NEBL: variants seen among roughly 807,000 people sequenced by gnomAD.
The protein encoded by NEBL is LIM and SH3 protein 2.
In NEBL, 122 loss-of-function variants were observed where a neutral mutation model predicts 140.2. The observed-to-expected ratio is 0.87, with a 90% CI of 0.75 to 1.01. The LOEUF (loss-of-function observed/expected upper bound fraction) is 1.01, where lower values mean the gene tolerates loss of function less well. Among genes scored for constraint, NEBL ranks in the 50% least tolerant of loss-of-function variants. NEBL has a pLI of 0.00. For missense variants in NEBL, 1,365 were observed against 1,231.3 expected (o/e 1.11, Z -1.62); for synonymous variants, 436 against 398.9 (o/e 1.09, Z -1.11).
intron 3 of NEBL, among the ~76,000 whole-genome samples, chr10:20,965,360 G>C (rs1809332146): frequency 6.6e-6 from 1 of 152,216 alleles, no homozygotes; most frequent in African/African-American, 2.4e-5. Context: ...CTTCTAGACA[G>C]GGTGGTCAGG....
intron 26 of NEBL, among the ~76,000 whole-genome samples, chr10:20,796,388 A>AC (rs1836541837): frequency 1.3e-5 from 2 of 149,796 alleles, no homozygotes; most frequent in Admixed American, 1.3e-4. Flanking sequence ...AAAAAAAAAA[A>AC]AAAAAACTTC....
chr10:20,964,481 T>A (rs1256741160), intron 3 of NEBL, among the ~76,000 whole-genome samples: 2 of 152,126 alleles, frequency 1.3e-5, no homozygotes, highest in Non-Finnish European at 2.9e-5. Flanking sequence ...GCGTGTCACA[T>A]GGCAAGACAG....
intron 2 of NEBL, among the ~76,000 whole-genome samples, chr10:21,134,245 T>C (rs1403680557): frequency 2.0e-5 from 3 of 151,474 alleles, no homozygotes; most frequent in Admixed American, 6.6e-5. Flanking sequence ...AAAAAAAATC[T>C]AAGTAGGTGC....
upstream of NEBL, among the ~76,000 whole-genome samples, chr10:21,176,191 T>C (rs1841297483): frequency 6.6e-6 from 1 of 152,014 alleles, no homozygotes; most frequent in Admixed American, 6.6e-5. Context: ...TTTGTAGAGA[T>C]GGGATCTTGC....
rs1237574269 is a variant in NEBL, at chr10:21,173,274, T to C, written c.69+491A>G. Reference sequence around the variant, plus strand: ...CTCCAGCAGGGATTATTCTTAGCAATGCGGCAGCGGCCGCCCCATGACATA... The same window carrying C: ...CTCCAGCAGGGATTATTCTTAGCAACGCGGCAGCGGCCGCCCCATGACATA... On this transcript the variant is annotated intron_variant, in intron 1 of 6. Transcript: ENST00000417816. The surrounding 1 kb of genome is among the most constrained non-coding windows in gnomAD (Gnocchi z 5.7). Among the ~76,000 whole-genome samples the C allele has an allele frequency of 6.6e-6, 1 of 152,078 alleles. No homozygotes were observed. The highest frequency in any genetic ancestry group is 2.4e-5 in the African/African-American group (1 of 41,430).
chr10:21,030,732 G>C (rs146727493), intron 2 of NEBL: 80 of 451,898 alleles, frequency 1.8e-4, no homozygotes, highest in African/African-American at 1.5e-3. Context: ...AAGACCACTG[G>C]AAGGAGTCAG....
intron 4 of NEBL, among the ~76,000 whole-genome samples, chr10:20,959,301 G>A (rs1019384797): frequency 3.1e-4 from 47 of 152,032 alleles, no homozygotes; most frequent in African/African-American, 1.1e-3. Context: ...TAATTTTCAG[G>A]ATTATAATTT....
At chr10:21,288,818 G>GTATATATATATATATATACA (rs757155594) in intron 1 of NEBL, among the ~76,000 whole-genome samples, 1 of 32,668 alleles carries the variant, frequency 3.1e-5, no homozygotes, top group Admixed American at 5.6e-4. Flanking sequence ...ACGTGTGTGT[G>GTATATATATATATATATACA]TGTATATATA....
At chr10:21,126,227 G>A (rs1264746430) in intron 2 of NEBL, 2 of 1,130,698 alleles carry the variant, frequency 1.8e-6, no homozygotes, top group East Asian at 4.8e-5. Flanking sequence ...TGCTGGTTAT[G>A]TTTCAGAACC....
chr10:21,207,284 T>A (rs1841842957), intron 3 of NEBL, among the ~76,000 whole-genome samples: 1 of 152,182 alleles, frequency 6.6e-6, no homozygotes, highest in African/African-American at 2.4e-5. Flanking sequence ...AAAAGCCATA[T>A]AATTCTAATG....
intron 4 of NEBL, among the ~76,000 whole-genome samples, chr10:20,930,056 T>A (rs921539285): frequency 2.6e-5 from 4 of 152,146 alleles, no homozygotes; most frequent in Non-Finnish European, 4.4e-5. Flanking sequence ...CTGACGACTC[T>A]CACATTTATG....
intron 3 of NEBL, among the ~76,000 whole-genome samples, chr10:21,239,050 C>A (rs1402831577): frequency 1.3e-5 from 2 of 152,136 alleles, no homozygotes; most frequent in Non-Finnish European, 2.9e-5. Context: ...ATTAAAACTG[C>A]ACTAGAAATG....
chr10:21,029,272 A>C, intron 2 of NEBL: 4 of 1,599,304 alleles, frequency 2.5e-6, no homozygotes, highest in Non-Finnish European at 3.4e-6. Flanking sequence ...CTTTCTTCCC[A>C]AATCGCCACC....
At chr10:21,076,311 G>A (rs1370155901) in intron 2 of NEBL, among the ~76,000 whole-genome samples, 3 of 151,738 alleles carry the variant, frequency 2.0e-5, no homozygotes, top group Non-Finnish European at 4.4e-5. Context: ...CAGGCATGGT[G>A]GTGCACACCT....
intron 2 of NEBL, among the ~76,000 whole-genome samples, chr10:21,092,585 T>C (rs1386563828): frequency 1.0e-5 from 1 of 99,092 alleles, no homozygotes; most frequent in Non-Finnish European, 2.1e-5. Flanking sequence ...ACCTCTATAA[T>C]TTAATAATAA....
intron 26 of NEBL, among the ~76,000 whole-genome samples, chr10:20,796,110 TC>T (rs938844588): frequency 1.4e-4 from 22 of 152,082 alleles, no homozygotes; most frequent in Non-Finnish European, 2.8e-4. Context: ...ATGCCTCCAA[TC>T]CCAGCATTTT....
chr10:20,852,317 ATTTTACAAAATGC>A (rs933847963), intron 10 of NEBL, among the ~76,000 whole-genome samples: 37 of 152,218 alleles, frequency 2.4e-4, no homozygotes, highest in African/African-American at 8.4e-4. Flanking sequence ...ATTAACGGTT[ATTTTACAAAATGC>A]CTTTAGATTG....
At chr10:20,953,504 TA>T (rs1427564756) in intron 4 of NEBL, among the ~76,000 whole-genome samples, 4 of 119,046 alleles carry the variant, frequency 3.4e-5, no homozygotes, top group African/African-American at 1.3e-4. Context: ...AGACAAGCCC[TA>T]ATTTTTTTTT....
At chr10:20,912,774 T>C (rs1848381504) in intron 4 of NEBL, among the ~76,000 whole-genome samples, 1 of 152,190 alleles carries the variant, frequency 6.6e-6, no homozygotes, top group Non-Finnish European at 1.5e-5. Flanking sequence ...AGTTGTTGGC[T>C]TGACATTTGA....
Sources: allele counts gnomAD v4.1 joint callset (sites outside exome capture counted in the v4.1 genomes callset), GRCh38; gene constraint gnomAD v4.1.1; non-coding constraint Gnocchi (gnomAD v3.1); transcripts MANE v1.5; gene names NCBI Gene and HGNC (gene_info 2026-07-23, HGNC 2026-07-21).